The following BBX variants were observed in gnomAD, a reference collection of about 807,000 sequenced individuals.
BBX encodes the protein HMG box transcription factor BBX.
Under a neutral mutation model 100.2 loss-of-function variants are expected in BBX, and 30 were observed. The ratio of observed to expected loss-of-function variants is 0.30; its 90% confidence interval spans 0.22 to 0.41. The LOEUF (loss-of-function observed/expected upper bound fraction) is 0.41, where lower values mean the gene tolerates loss of function less well. Among genes scored for constraint, BBX ranks in the 10% least tolerant of loss-of-function variants. The pLI is 1.00. For missense variants in BBX, 1,023 were observed against 1,129.8 expected (o/e 0.91, Z 1.35); for synonymous variants, 376 against 388.1 (o/e 0.97, Z 0.37).
chr3:107,612,125 C>T (rs920664267), intron 2 of BBX, among the ~76,000 whole-genome samples: 4 of 151,926 alleles, frequency 2.6e-5, no homozygotes, highest in Non-Finnish European at 1.5e-5. Context: ...AATTTCTTCT[C>T]TGTTATTTTG....
chr3:107,586,112 A>G (rs912300877), intron 2 of BBX, among the ~76,000 whole-genome samples: 43 of 152,096 alleles, frequency 2.8e-4, no homozygotes, highest in African/African-American at 9.6e-4. Context: ...TGAAGTTAAT[A>G]AAAAAAATAG....
chr3:107,700,702 C>T (rs1244151635), intron 3 of BBX, among the ~76,000 whole-genome samples: 1 of 148,996 alleles, frequency 6.7e-6, no homozygotes, highest in Admixed American at 6.8e-5. Flanking sequence ...GGTTTTTGTC[C>T]TTGCGATAGT....
intron 2 of BBX, among the ~76,000 whole-genome samples, chr3:107,629,929 G>A (rs557261564): frequency 5.9e-5 from 9 of 152,124 alleles, no homozygotes; most frequent in Admixed American, 4.6e-4. Context: ...GGTGAGATGC[G>A]TGTCTGTAGA....
rs558286093 is a variant in BBX, at chr3:107,763,302, G to A, written c.906+7624G>A. 3.3e-5 allele frequency among the ~76,000 whole-genome samples: 5 copies of A among 150,110 alleles called. No individual in the cohort carries two copies. In the East Asian group the frequency reaches 9.7e-4, roughly 29 times the overall value. ...TGCGGTGGCGCGATCTCGGCTCACT[G>A]CAAGCTCCGCCTCCCGGGTTCACGC... On this transcript the variant is annotated intron_variant, in intron 10 of 17. Transcript: ENST00000325805.
At chr3:107,570,349 G>A (rs200398887) in intron 2 of BBX, among the ~76,000 whole-genome samples, 12 of 152,070 alleles carry the variant, frequency 7.9e-5, no homozygotes, top group South Asian at 2.1e-4. Context: ...TTCTAATGTC[G>A]GGGGCGGGTT....
intron 3 of BBX, among the ~76,000 whole-genome samples, chr3:107,685,304 A>C (rs1267598082): frequency 6.6e-6 from 1 of 152,190 alleles, no homozygotes; most frequent in South Asian, 2.1e-4. Flanking sequence ...ACCTTGATCC[A>C]CTTTAACTTG....
chr3:107,759,835 A>G (rs530637072), intron 10 of BBX, among the ~76,000 whole-genome samples: 5 of 152,338 alleles, frequency 3.3e-5, no homozygotes, highest in Non-Finnish European at 5.9e-5. Context: ...AGGCTGCAGC[A>G]TAAGCCTAAA....
At chr3:107,652,635 C>A (rs658595) in intron 3 of BBX, among the ~76,000 whole-genome samples, 112,627 of 152,032 alleles carry the variant, frequency 0.74, 42,637 homozygotes, top group East Asian at 0.97. Flanking sequence ...GCATGGCTTC[C>A]TGCATTTAAT....
intron 2 of BBX, among the ~76,000 whole-genome samples, chr3:107,600,995 C>T (rs960565957): frequency 6.6e-6 from 1 of 152,176 alleles, no homozygotes; most frequent in African/African-American, 2.4e-5. Flanking sequence ...CCCTCACTTC[C>T]TGTTTCTGTG....
intron 13 of BBX, among the ~76,000 whole-genome samples, chr3:107,780,965 G>A (rs9870423): frequency 0.97 from 147,572 of 152,014 alleles, 71,760 homozygotes; most frequent in Middle Eastern, 1. Flanking sequence ...TTTTTCCTCT[G>A]ATAATTTGCC....
At chr3:107,621,404 A>C (rs923975284) in intron 2 of BBX, among the ~76,000 whole-genome samples, 1 of 152,146 alleles carries the variant, frequency 6.6e-6, no homozygotes, top group African/African-American at 2.4e-5. Flanking sequence ...TTTTATATAT[A>C]ATGTCCAGTA....
At chr3:107,697,576 T>G (rs1397823943) in intron 3 of BBX, among the ~76,000 whole-genome samples, 2 of 151,928 alleles carry the variant, frequency 1.3e-5, no homozygotes, top group Non-Finnish European at 2.9e-5. Context: ...AGCCGCGTGC[T>G]GGGAGAACCG....
chr3:107,789,376 CT>C (rs2068753225), intron 13 of BBX, among the ~76,000 whole-genome samples: 1 of 152,142 alleles, frequency 6.6e-6, no homozygotes, highest in Non-Finnish European at 1.5e-5. Context: ...AAGTGCTATC[CT>C]TGTTGTGAAA....
At position 107,583,978 on chromosome 3, in the gene BBX, ATATTAT is replaced by A. The variant is rs1332417454; in HGVS notation, c.-84+57584_-84+57589del. On this transcript the variant is annotated intron_variant, in intron 2 of 17. Transcript: ENST00000325805. The stretch of plus-strand genomic sequence containing the variant: ...TATTATATATATTATATATATTATT[ATATTAT>A]TATATATTATTATATTATTATATAT... Among the ~76,000 whole-genome samples the A allele has an allele frequency of 4.3e-5, 3 of 69,232 alleles. 1 individual carries two copies. The allele number at this position is 69,232 out of a possible 152,430, so 45.4% of individuals were successfully genotyped here. A position where few individuals can be genotyped will look rare whatever the true frequency, so the allele number is the denominator to read the frequency against.
chr3:107,718,282 TTAA>T (rs2062260339), intron 5 of BBX, among the ~76,000 whole-genome samples: 1 of 144,200 alleles, frequency 6.9e-6, no homozygotes, highest in African/African-American at 2.5e-5. Context: ...AATATGATTG[TTAA>T]TTATAATAGT....
intron 3 of BBX, among the ~76,000 whole-genome samples, chr3:107,694,955 T>G (rs1406253013): frequency 6.6e-6 from 1 of 151,768 alleles, no homozygotes; most frequent in Admixed American, 6.6e-5. Flanking sequence ...TTTATTCATT[T>G]CTTCTATATT....
At chr3:107,634,890 A>G (rs1007833874) in intron 2 of BBX, among the ~76,000 whole-genome samples, 12 of 152,192 alleles carry the variant, frequency 7.9e-5, no homozygotes, top group African/African-American at 2.9e-4. Context: ...AGTTATAGCA[A>G]GTACTCTCTT....
intron 3 of BBX, chr3:107,661,910 A>T (rs1364799862): frequency 3.0e-6 from 3 of 984,254 alleles, no homozygotes; most frequent in Non-Finnish European, 2.4e-6. Flanking sequence ...TCACTGGGAT[A>T]TTGAGAAATA....
intron 2 of BBX, among the ~76,000 whole-genome samples, chr3:107,642,307 T>C (rs771602380): frequency 6.6e-6 from 1 of 152,220 alleles, no homozygotes; most frequent in Non-Finnish European, 1.5e-5. Context: ...GTGATTAAGT[T>C]CATTTTATCA....
Sources: allele counts gnomAD v4.1 joint callset (sites outside exome capture counted in the v4.1 genomes callset), GRCh38; gene constraint gnomAD v4.1.1; transcripts MANE v1.5; gene names NCBI Gene and HGNC (gene_info 2026-07-23, HGNC 2026-07-21).